Variants in PTPRJ observed in about 807,000 individuals in gnomAD.
PTPRJ encodes protein tyrosine phosphatase receptor type J.
Under a neutral mutation model 141.3 loss-of-function variants are expected in PTPRJ, and 129 were observed. That is an observed-to-expected ratio of 0.91 (90% CI 0.79 to 1.06). PTPRJ has a LOEUF of 1.06. Among genes scored for constraint, PTPRJ ranks in the 50% least tolerant of loss-of-function variants. PTPRJ has a pLI of 0.00. For synonymous variants in PTPRJ, 610 were observed against 640.5 expected (o/e 0.95, Z 0.72); for missense variants, 1,601 against 1,679.7 (o/e 0.95, Z 0.82).
intron 1 of PTPRJ, among the ~76,000 whole-genome samples, chr11:48,104,379 T>C (rs1856235625): frequency 6.6e-6 from 1 of 152,260 alleles, no homozygotes; most frequent in Admixed American, 6.5e-5. Flanking sequence ...ATGATGGCCT[T>C]TCAGAGTTGA....
At chr11:48,129,733 G>T (rs1050232818) in intron 7 of PTPRJ, among the ~76,000 whole-genome samples, 65 of 152,108 alleles carry the variant, frequency 4.3e-4, no homozygotes, top group African/African-American at 1.5e-3. Context: ...GGATCCAGGG[G>T]TCTATGTTCT....
intron 1 of PTPRJ, among the ~76,000 whole-genome samples, chr11:48,006,598 C>T (rs1331505347): frequency 2.0e-5 from 3 of 152,184 alleles, no homozygotes; most frequent in Non-Finnish European, 4.4e-5. Context: ...TACTGACTCA[C>T]ACAGTGTCAG....
At chr11:47,984,627 T>C (rs576004566) in intron 1 of PTPRJ, among the ~76,000 whole-genome samples, 14 of 152,076 alleles carry the variant, frequency 9.2e-5, no homozygotes, top group Non-Finnish European at 1.8e-4. Flanking sequence ...GGTGCAATCT[T>C]GGCTCACCGC....
intron 1 of PTPRJ, among the ~76,000 whole-genome samples, chr11:48,005,839 A>G (rs1002876541): frequency 6.6e-6 from 1 of 152,198 alleles, no homozygotes; most frequent in Non-Finnish European, 1.5e-5. Flanking sequence ...GGACTCTCTG[A>G]GACAGGGTTA....
chr11:48,131,816 C>T, intron 8 of PTPRJ: 1 of 343,516 alleles, frequency 2.9e-6, no homozygotes, highest in Non-Finnish European at 5.2e-6. Context: ...CTAGGGATCC[C>T]TAGGTTCTTT....
intron 20 of PTPRJ, 38 bp downstream of exon 20, chr11:48,155,912 C>T (rs1261810927): frequency 5.7e-6 from 9 of 1,587,830 alleles, no homozygotes; most frequent in Middle Eastern, 1.7e-4. Flanking sequence ...TGGACTGTTT[C>T]GATGAAATCT....
Position 48,153,805 on chromosome 11 carries a change from CT to C in PTPRJ, c.3150del (p.Val1051LeufsTer70). 1 of 1,610,882 alleles carries C rather than the reference CT, an allele frequency of 6.2e-7. No homozygotes were observed. Among genetic ancestry groups the C allele is most frequent in the East Asian group, 2.2e-5 (1 of 44,832 alleles). ...GFAEEYEDLK[L>X]VGISQPKYAA... ...TTTGTTTTGTTTTCAGGATCTGAAG[CT>C]TGTTGGAATTAGTCAACCTAAATAT... On this transcript the variant is annotated frameshift_variant, in exon 19 of 25. Coordinates refer to ENST00000418331, the MANE Select transcript of PTPRJ (RefSeq NM_002843.4). LOFTEE classifies it high-confidence loss of function.
intron 1 of PTPRJ, among the ~76,000 whole-genome samples, chr11:48,072,561 G>A (rs1855290277): frequency 2.0e-5 from 3 of 152,144 alleles, no homozygotes; most frequent in Admixed American, 6.5e-5. Flanking sequence ...GTACTGGGGT[G>A]TATTTTTTCC....
At chr11:48,085,893 C>T (rs1049047330) in intron 1 of PTPRJ, among the ~76,000 whole-genome samples, 12 of 152,210 alleles carry the variant, frequency 7.9e-5, no homozygotes, top group Admixed American at 1.3e-4. Context: ...CCAGCTGCGG[C>T]GGGGCTTTGG....
intron 4 of PTPRJ, 41 bp from the exon 5 acceptor site, chr11:48,123,572 T>C (rs1207630706): frequency 3.1e-6 from 5 of 1,590,410 alleles, no homozygotes; most frequent in Non-Finnish European, 4.3e-6. Flanking sequence ...GGTGACTGCA[T>C]ATATCTTGTT....
At chr11:48,082,000 T>C (rs1028635486) in intron 1 of PTPRJ, among the ~76,000 whole-genome samples, 3 of 152,168 alleles carry the variant, frequency 2.0e-5, no homozygotes, top group Non-Finnish European at 4.4e-5. Flanking sequence ...GGGCTTGGTC[T>C]TTCTTCTTCC....
At chr11:48,119,788 G>C (rs17727629) in intron 3 of PTPRJ, among the ~76,000 whole-genome samples, 4,656 of 152,266 alleles carry the variant, frequency 0.031, 109 homozygotes, top group Non-Finnish European at 0.046. Flanking sequence ...ATAGCAAGAT[G>C]GTAACACTTA....
At chr11:47,998,177 C>G (rs534367591) in intron 1 of PTPRJ, among the ~76,000 whole-genome samples, 1 of 151,636 alleles carries the variant, frequency 6.6e-6, no homozygotes, top group South Asian at 2.1e-4. Flanking sequence ...ATCCACTGGA[C>G]TGTCATATAC....
chr11:48,141,542 T>A (rs1320666371), intron 11 of PTPRJ, among the ~76,000 whole-genome samples: 1 of 152,110 alleles, frequency 6.6e-6, no homozygotes, highest in East Asian at 1.9e-4. Context: ...CATCTGTGAT[T>A]CTTCTCCTTG....
At chr11:48,054,300 T>C (rs1854697682) in intron 1 of PTPRJ, among the ~76,000 whole-genome samples, 1 of 152,200 alleles carries the variant, frequency 6.6e-6, no homozygotes, top group African/African-American at 2.4e-5. Flanking sequence ...GGGGGCCCCA[T>C]TGTGCAACCT....
At chr11:48,001,732 A>G (rs1268507324) in intron 1 of PTPRJ, among the ~76,000 whole-genome samples, 3 of 152,142 alleles carry the variant, frequency 2.0e-5, no homozygotes, top group Admixed American at 6.5e-5. Flanking sequence ...AAGCTAAGCA[A>G]CCAGCCTGAG....
intron 8 of PTPRJ, among the ~76,000 whole-genome samples, chr11:48,135,020 C>A (rs914534748): frequency 1.3e-5 from 2 of 152,122 alleles, no homozygotes; most frequent in Non-Finnish European, 2.9e-5. Context: ...AACAAAAAAA[C>A]CTCTTTATTG....
At chr11:48,086,333 G>A (rs918601347) in intron 1 of PTPRJ, among the ~76,000 whole-genome samples, 2 of 152,080 alleles carry the variant, frequency 1.3e-5, no homozygotes, top group South Asian at 2.1e-4. Flanking sequence ...CACCATGCCT[G>A]GTTGATTTTT....
intron 16 of PTPRJ, 175 bp downstream of exon 16, chr11:48,149,663 T>C (rs1242890687): frequency 3.6e-6 from 2 of 553,312 alleles, no homozygotes; most frequent in East Asian, 3.2e-5. Flanking sequence ...GTTTTATTAG[T>C]CTCCTGAAGC....
Sources: allele counts gnomAD v4.1 joint callset (sites outside exome capture counted in the v4.1 genomes callset), GRCh38; gene constraint gnomAD v4.1.1; transcripts MANE v1.5; gene names NCBI Gene and HGNC (gene_info 2026-07-23, HGNC 2026-07-21).